GALNT18: variants seen among roughly 807,000 people sequenced by gnomAD.
GALNT18 encodes the protein polypeptide N-acetylgalactosaminyltransferase 18.
GALNT18 carries 44 observed loss-of-function variants against 69.5 expected under a neutral mutation model. That is an observed-to-expected ratio of 0.63 (90% CI 0.50 to 0.81). The LOEUF is 0.81. GALNT18 is among the 40% of genes least tolerant of loss of function. The pLI is 0.00. For missense variants in GALNT18, 715 were observed against 810.0 expected, an observed-to-expected ratio of 0.88 and a Z score of 1.42; for synonymous variants, 364 against 318.2, an observed-to-expected ratio of 1.14 and a Z score of -1.53.
In GALNT18 at chr11:11,338,837, G is replaced by C. The variant is rs1281390808; in HGVS notation, c.1278+1982C>G. Among the ~76,000 whole-genome samples, 9 of 152,198 alleles carry C rather than the reference G, an allele frequency of 5.9e-5. No homozygotes were observed. Among genetic ancestry groups the C allele is most frequent in the Non-Finnish European group, 1.3e-4 (9 of 68,040 alleles). The stretch of plus-strand genomic sequence containing the variant: ...CCCCCATGGAGCATGTAAGCACCCA[G>C]TGAAGGTAAGAGGAGCCCTTGAAGA... On this transcript the variant is annotated intron_variant, in intron 7 of 10. Coordinates refer to ENST00000227756, the MANE Select transcript of GALNT18 (RefSeq NM_198516.3). The surrounding 1 kb of genome is among the most constrained non-coding windows in gnomAD (Gnocchi z 5.3).
intron 1 of GALNT18, among the ~76,000 whole-genome samples, chr11:11,522,784 C>T (rs142725016): frequency 1.3e-3 from 196 of 152,316 alleles, no homozygotes; most frequent in Middle Eastern, 6.8e-3. Flanking sequence ...ACACTTGTCA[C>T]GCAGCTAGCT....
intron 1 of GALNT18, among the ~76,000 whole-genome samples, chr11:11,558,516 C>G (rs562757918): frequency 1.2e-4 from 18 of 152,322 alleles, no homozygotes; most frequent in South Asian, 1.0e-3. Flanking sequence ...CTGGGTGTGC[C>G]CAAGGCCTGA....
chr11:11,460,672 C>T (rs1564960667), intron 1 of GALNT18, among the ~76,000 whole-genome samples: 1 of 152,094 alleles, frequency 6.6e-6, no homozygotes, highest in Admixed American at 6.6e-5. Flanking sequence ...CTCCTGCCTC[C>T]CTGTTTCTTC....
rs1860202557 is a variant in GALNT18 at position 11,621,863 on chromosome 11, G to A, written c.-270C>T. The stretch of plus-strand genomic sequence containing the variant: ...AAATCCCTGAACCCTTCCTAGAGGG[G>A]TCACGGGTAGCCGGCAGCCGCGCGT... On this transcript the variant is annotated 5_prime_UTR_variant, in exon 1 of 11. Coordinates refer to ENST00000227756, the MANE Select transcript of GALNT18 (RefSeq NM_198516.3). This position sits in a 1 kb window ranked among gnomAD's most constrained non-coding sequence, Gnocchi z 9.3. 3 of 381,196 alleles carry A rather than the reference G, an allele frequency of 7.9e-6. No individual in the cohort carries two copies. Among genetic ancestry groups the A allele is most frequent in the Non-Finnish European group, 1.4e-5 (3 of 211,074 alleles). The allele number at this position is 381,196 out of a possible 1,614,324, so 23.6% of individuals were successfully genotyped here.
At chr11:11,440,132 T>C (rs79093803) in intron 2 of GALNT18, among the ~76,000 whole-genome samples, 3,368 of 152,336 alleles carry the variant, frequency 0.022, 131 homozygotes, top group African/African-American at 0.077. Context: ...AGTTCAACCA[T>C]CATCCTTTCA....
At chr11:11,499,507 G>C (rs1385017121) in intron 1 of GALNT18, among the ~76,000 whole-genome samples, 1 of 152,004 alleles carries the variant, frequency 6.6e-6, no homozygotes, top group East Asian at 1.9e-4. Context: ...GCCCTCTAGA[G>C]CCTGTGCCTG....
At position 11,620,334 on chromosome 11, in the gene GALNT18, T is replaced by C. The variant is rs78833619; in HGVS notation, c.235+1025A>G. ...GGACGTGAGCGCGCGCGCGCGCGCG[T>C]GTGTGTGTGTGTGTGCACACCCGGC... On this transcript the variant is annotated intron_variant, in intron 1 of 10. Coordinates refer to ENST00000227756, the MANE Select transcript of GALNT18 (RefSeq NM_198516.3). The surrounding 1 kb of genome is among the most constrained non-coding windows in gnomAD (Gnocchi z 6.9). Among the ~76,000 whole-genome samples the C allele has an allele frequency of 4.1e-5, 3 of 72,388 alleles. No individual in the cohort carries two copies. Among genetic ancestry groups the C allele is most frequent in the Middle Eastern group, 9.6e-3 (1 of 104 alleles). 47.5% of individuals were successfully genotyped at this position (72,388 alleles called of 152,430 possible). A position where few individuals can be genotyped will look rare whatever the true frequency, so the allele number is the denominator to read the frequency against.
At position 11,377,328 on chromosome 11, in the gene GALNT18, C is replaced by A; in HGVS notation, c.831G>T (p.Ser277=). 1.2e-6 allele frequency: 2 copies of A among 1,613,910 alleles called. No individual in the cohort carries two copies. Among genetic ancestry groups the A allele is most frequent in the African/African-American group, 1.3e-5 (1 of 74,972 alleles). The change falls in exon 5 of 11, where the codon TCG becomes TCT. Residue 277 remains serine (S), a synonymous_variant. Coordinates refer to ENST00000227756, the MANE Select transcript of GALNT18 (RefSeq NM_198516.3). The surrounding 1 kb of genome is among the most constrained non-coding windows in gnomAD (Gnocchi z 4.6). ...CATATTTGATGTTATCAAAGGATGG[C>A]GAGATGATCCGCTTCCGGTTCTCCT... ...RIKENRKRII[S]PSFDNIKYDN...
At chr11:11,334,592 C>T (rs1369756368) in intron 7 of GALNT18, among the ~76,000 whole-genome samples, 1 of 151,978 alleles carries the variant, frequency 6.6e-6, no homozygotes, top group Non-Finnish European at 1.5e-5. Context: ...GAGATAGATT[C>T]CTTTTTGCCC....
rs949394163 is a variant in GALNT18, at chr11:11,582,974, C to T, written c.235+38385G>A. Among the ~76,000 whole-genome samples the T allele has an allele frequency of 6.6e-6, 1 of 152,132 alleles. No individual in the cohort carries two copies. Among genetic ancestry groups the T allele is most frequent in the African/African-American group, 2.4e-5 (1 of 41,408 alleles). On this transcript the variant is annotated intron_variant, in intron 1 of 10. Coordinates refer to ENST00000227756, the MANE Select transcript of GALNT18 (RefSeq NM_198516.3). This position sits in a 1 kb window ranked among gnomAD's most constrained non-coding sequence, Gnocchi z 5.0. ...AAGATCTAAGATTTCCCTGAACCATCCTATTATCCCCCATGCTATTTTTAT... is the reference window on the plus strand; with the variant it reads ...AAGATCTAAGATTTCCCTGAACCATTCTATTATCCCCCATGCTATTTTTAT...
At chr11:11,426,316 G>A (rs1294766926) in intron 3 of GALNT18, among the ~76,000 whole-genome samples, 1 of 152,200 alleles carries the variant, frequency 6.6e-6, no homozygotes, top group African/African-American at 2.4e-5. Flanking sequence ...TCCACCCAGT[G>A]GTGCCTGCAG....
chr11:11,577,620 T>A (rs1043312226), intron 1 of GALNT18, among the ~76,000 whole-genome samples: 1 of 152,176 alleles, frequency 6.6e-6, no homozygotes. Context: ...CTGGAGCTTT[T>A]GAAGAAGCAC....
intron 1 of GALNT18, among the ~76,000 whole-genome samples, chr11:11,551,711 C>T (rs1053674033): frequency 1.3e-5 from 2 of 152,174 alleles, no homozygotes; most frequent in Non-Finnish European, 2.9e-5. Context: ...TGTGAAGAGA[C>T]CACCAAACAG....
At chr11:11,472,440 G>C (rs976181575) in intron 1 of GALNT18, among the ~76,000 whole-genome samples, 7 of 152,196 alleles carry the variant, frequency 4.6e-5, no homozygotes, top group African/African-American at 1.7e-4. Flanking sequence ...GGTATATTCA[G>C]AGAGAGAGGG....
intron 1 of GALNT18, among the ~76,000 whole-genome samples, chr11:11,531,771 T>G (rs758952221): frequency 9.2e-5 from 14 of 152,228 alleles, no homozygotes; most frequent in Non-Finnish European, 1.8e-4. Context: ...GCTGTGAGTC[T>G]CTGGGTCTCT....
In GALNT18 at chr11:11,616,680, C is replaced by A. The variant is rs1269558476; in HGVS notation, c.235+4679G>T. ...TGCTTGCCATTCCCTCTGTAACAAA[C>A]CCTATTTGTCTCTAGTACCACTGCC... On this transcript the variant is annotated intron_variant, in intron 1 of 10. Coordinates refer to ENST00000227756, the MANE Select transcript of GALNT18 (RefSeq NM_198516.3). This position sits in a 1 kb window ranked among gnomAD's most constrained non-coding sequence, Gnocchi z 4.4. 6.6e-6 allele frequency among the ~76,000 whole-genome samples: 1 copy of A among 152,210 alleles called. No homozygotes were observed. The highest frequency in any genetic ancestry group is 1.5e-5 in the Non-Finnish European group (1 of 68,048).
chr11:11,281,296 T>A (rs1319789744), intron 10 of GALNT18, among the ~76,000 whole-genome samples: 1 of 152,230 alleles, frequency 6.6e-6, no homozygotes. Context: ...CTGGTTTCAT[T>A]GTCTGCAGGC....
chr11:11,271,936 CA>C (rs1386835524), intron 10 of GALNT18, among the ~76,000 whole-genome samples: 1 of 152,222 alleles, frequency 6.6e-6, no homozygotes, highest in African/African-American at 2.4e-5. Flanking sequence ...AGGAAACCCC[CA>C]ATTTTTGTAG....
chr11:11,329,733 C>T (rs746548839), intron 8 of GALNT18, among the ~76,000 whole-genome samples: 4 of 152,134 alleles, frequency 2.6e-5, no homozygotes, highest in Admixed American at 6.5e-5. Flanking sequence ...AGTCAACACT[C>T]GTGGAGTGGG....
Sources: allele counts gnomAD v4.1 joint callset (sites outside exome capture counted in the v4.1 genomes callset), GRCh38; gene constraint gnomAD v4.1.1; non-coding constraint Gnocchi (gnomAD v3.1); transcripts MANE v1.5; gene names NCBI Gene and HGNC (gene_info 2026-07-23, HGNC 2026-07-21).